Variants in PTPRD observed in about 807,000 individuals in gnomAD.
The protein encoded by PTPRD is protein tyrosine phosphatase receptor type D.
In PTPRD, 34 loss-of-function variants were observed where a neutral mutation model predicts 214.5. The observed-to-expected ratio is 0.16, with a 90% confidence interval of 0.12 to 0.21. The LOEUF (loss-of-function observed/expected upper bound fraction) is 0.21. PTPRD is among the 10% of genes least tolerant of loss of function. The pLI is 1.00. For missense variants in PTPRD, 2,545 were observed against 2,398.7 expected (o/e 1.06, Z -1.27); for synonymous variants, 1,128 against 845.7 (o/e 1.33, Z -5.79).
At chr9:10,093,420 T>C (rs943376037) in intron 3 of PTPRD, among the ~76,000 whole-genome samples, 1 of 151,466 alleles carries the variant, frequency 6.6e-6, no homozygotes, top group Non-Finnish European at 1.5e-5. Flanking sequence ...CCAGTCAGAA[T>C]GGCGATTCCT....
At chr9:9,090,415 A>G (rs1400478974) in intron 10 of PTPRD, among the ~76,000 whole-genome samples, 1 of 152,150 alleles carries the variant, frequency 6.6e-6, no homozygotes, top group East Asian at 1.9e-4. Context: ...GTTGAAGATT[A>G]TTGAATTGCT....
At chr9:8,748,810 C>G (rs1314588136) in intron 11 of PTPRD, among the ~76,000 whole-genome samples, 2 of 152,034 alleles carry the variant, frequency 1.3e-5, no homozygotes, top group Non-Finnish European at 2.9e-5. Flanking sequence ...ACTCGGGAGG[C>G]TGAGGTGTGA....
At chr9:9,137,501 C>G (rs1299313888) in intron 10 of PTPRD, among the ~76,000 whole-genome samples, 1 of 152,048 alleles carries the variant, frequency 6.6e-6, no homozygotes, top group Non-Finnish European at 1.5e-5. Flanking sequence ...AGATATATAA[C>G]CCCCCTCTTA....
chr9:9,279,273 A>G (rs1341774257), intron 9 of PTPRD, among the ~76,000 whole-genome samples: 1 of 149,264 alleles, frequency 6.7e-6, no homozygotes, highest in Non-Finnish European at 1.5e-5. Flanking sequence ...ATGTGTACAT[A>G]TATATACACA....
chr9:9,466,733 T>C (rs1178869634), intron 8 of PTPRD, among the ~76,000 whole-genome samples: 1 of 152,190 alleles, frequency 6.6e-6, no homozygotes, highest in African/African-American at 2.4e-5. Flanking sequence ...AGTTTCCATA[T>C]CTATTTTTTC....
intron 11 of PTPRD, among the ~76,000 whole-genome samples, chr9:8,973,675 C>T (rs1398285758): frequency 1.3e-5 from 2 of 152,064 alleles, no homozygotes; most frequent in Non-Finnish European, 2.9e-5. Flanking sequence ...AATTAACATT[C>T]CCACCAACAG....
chr9:9,833,292 T>C (rs2055563264), intron 5 of PTPRD, among the ~76,000 whole-genome samples: 1 of 151,868 alleles, frequency 6.6e-6, no homozygotes, highest in Non-Finnish European at 1.5e-5. Flanking sequence ...GGGGGAAACA[T>C]CATACATTGG....
intron 3 of PTPRD, among the ~76,000 whole-genome samples, chr9:10,069,454 C>G (rs572083208): frequency 6.6e-6 from 1 of 151,948 alleles, no homozygotes; most frequent in East Asian, 1.9e-4. Flanking sequence ...CTCTACATAC[C>G]TTTCCAAACT....
At chr9:9,232,496 T>C (rs539277623) in intron 9 of PTPRD, among the ~76,000 whole-genome samples, 5 of 152,264 alleles carry the variant, frequency 3.3e-5, no homozygotes, top group African/African-American at 9.6e-5. Flanking sequence ...ATTCCATCAA[T>C]TGTTAAAAGA....
At chr9:9,929,131 G>A (rs1351913661) in intron 5 of PTPRD, among the ~76,000 whole-genome samples, 2 of 152,148 alleles carry the variant, frequency 1.3e-5, no homozygotes, top group African/African-American at 2.4e-5. Flanking sequence ...CTAACTCTGT[G>A]ATCCTTCTAG....
intron 8 of PTPRD, among the ~76,000 whole-genome samples, chr9:9,444,192 T>G (rs537356680): frequency 6.7e-4 from 102 of 152,190 alleles, no homozygotes; most frequent in Middle Eastern, 3.4e-3. Flanking sequence ...GTGCATCTAC[T>G]TTTTTTTCTG....
intron 27 of PTPRD, among the ~76,000 whole-genome samples, chr9:8,489,105 G>T (rs2296102): frequency 0.13 from 19,517 of 152,074 alleles, 1,724 homozygotes; most frequent in African/African-American, 0.25. Flanking sequence ...CATGTTCTTA[G>T]TAACTGATGT....
chr9:9,197,188 G>C (rs576125126), intron 9 of PTPRD, among the ~76,000 whole-genome samples: 248 of 152,142 alleles, frequency 1.6e-3, no homozygotes, highest in African/African-American at 5.5e-3. Flanking sequence ...ATCTAATCCA[G>C]AGCAAAGCCA....
intron 3 of PTPRD, among the ~76,000 whole-genome samples, chr9:10,296,560 T>C (rs1316518448): frequency 1.3e-5 from 2 of 152,100 alleles, no homozygotes; most frequent in Admixed American, 1.3e-4. Flanking sequence ...CCCATATCCT[T>C]GGCTGCAGCA....
At chr9:9,160,482 A>T (rs926840683) in intron 10 of PTPRD, among the ~76,000 whole-genome samples, 1 of 152,220 alleles carries the variant, frequency 6.6e-6, no homozygotes, top group Non-Finnish European at 1.5e-5. Flanking sequence ...ACCAAATGAG[A>T]TACCACCTCA....
At chr9:8,623,277 C>G (rs2095878597) in intron 14 of PTPRD, among the ~76,000 whole-genome samples, 1 of 151,916 alleles carries the variant, frequency 6.6e-6, no homozygotes, top group Non-Finnish European at 1.5e-5. Context: ...GCAACTAACT[C>G]TGTTTTTTAG....
At chr9:8,836,628 C>T (rs1289762855) in intron 11 of PTPRD, among the ~76,000 whole-genome samples, 2 of 122,090 alleles carry the variant, frequency 1.6e-5, no homozygotes, top group African/African-American at 6.1e-5. Context: ...GACGGAGTCT[C>T]GCTCTGTTGC....
intron 3 of PTPRD, among the ~76,000 whole-genome samples, chr9:10,207,363 G>T (rs1036370893): frequency 1.3e-5 from 2 of 152,008 alleles, no homozygotes; most frequent in South Asian, 4.1e-4. Context: ...GTTCATGAGA[G>T]ACATTGGTCT....
chr9:9,327,211 A>T (rs2040315038), intron 9 of PTPRD, among the ~76,000 whole-genome samples: 1 of 152,198 alleles, frequency 6.6e-6, no homozygotes, highest in Non-Finnish European at 1.5e-5. Context: ...ATTAAAAAAG[A>T]AATCCCATAT....
Sources: allele counts gnomAD v4.1 joint callset (sites outside exome capture counted in the v4.1 genomes callset), GRCh38; gene constraint gnomAD v4.1.1; transcripts MANE v1.5; gene names NCBI Gene and HGNC (gene_info 2026-07-23, HGNC 2026-07-21).